ZNF678: variants seen among roughly 807,000 people sequenced by gnomAD.
The protein encoded by ZNF678 is zinc finger protein 678.
ZNF678 carries 5 observed loss-of-function variants against 3.0 expected under a neutral mutation model. The ratio of observed to expected loss-of-function variants is 1.69; its 90% confidence interval spans 0.88 to 3.56. The LOEUF (loss-of-function observed/expected upper bound fraction) is 3.56, where lower values mean the gene tolerates loss of function less well. Ranked by LOEUF, ZNF678 falls within the 30% of genes most tolerant of loss-of-function variation. The probability of loss-of-function intolerance (pLI) is 0.00; values close to 1 mark genes in which losing one functional copy is unlikely to be tolerated. For synonymous variants in ZNF678, 218 were observed against 199.6 expected, an observed-to-expected ratio of 1.09 and a Z score of -0.78; for missense variants, 593 against 605.0, an observed-to-expected ratio of 0.98 and a Z score of 0.21.
rs766956905 is a variant in ZNF678, at chr1:227,654,769, A to G, written c.519A>G (p.Lys173=). 2.5e-6 allele frequency: 4 copies of G among 1,613,392 alleles called. No individual in the cohort carries two copies. The South Asian group carries it at 4.4e-5, about 18-fold the overall frequency. The change falls in exon 4 of 4, where the codon AAA becomes AAG. Residue 173 remains lysine, a synonymous_variant. Transcript: ENST00000343776. ...NWWSQLTNHK[K]IHTGEKPYKC... The stretch of plus-strand genomic sequence containing the variant: ...GGTCACAACTAACTAACCATAAGAA[A>G]ATTCATACTGGAGAGAAACCCTACA...
downstream of ZNF678, among the ~76,000 whole-genome samples, chr1:227,667,006 A>G (rs1275762408): frequency 1.3e-5 from 2 of 150,314 alleles, no homozygotes; most frequent in East Asian, 3.9e-4. Context: ...CGGCCTCCCA[A>G]AGTGCTGGGA....
At chr1:227,676,591 A>G (rs1410060775) in intron 5 of ZNF678, among the ~76,000 whole-genome samples, 1 of 152,098 alleles carries the variant, frequency 6.6e-6, no homozygotes, top group Non-Finnish European at 1.5e-5. Context: ...TTGCATATGT[A>G]TACATGTGCC....
chr1:227,593,968 A>G (rs1387037869), intron 1 of ZNF678, among the ~76,000 whole-genome samples: 1 of 148,874 alleles, frequency 6.7e-6, no homozygotes, highest in Non-Finnish European at 1.5e-5. Flanking sequence ...CCACCCTTTG[A>G]TGAGAACGTG....
At chr1:227,586,686 A>G (rs889217602) in intron 1 of ZNF678, among the ~76,000 whole-genome samples, 26 of 152,234 alleles carry the variant, frequency 1.7e-4, no homozygotes, top group African/African-American at 5.8e-4. Flanking sequence ...TCTGCTTGCA[A>G]GCACCACTCC....
chr1:227,638,452 G>A lies in ZNF678; in HGVS notation c.-163-8092G>A, dbSNP rs977968065. Among the ~76,000 whole-genome samples the A allele has an allele frequency of 1.3e-5, 2 of 152,162 alleles. No homozygotes were observed. The highest frequency in any genetic ancestry group is 1.5e-5 in the Non-Finnish European group (1 of 68,030). ...AGGAGGTGAGAAACGATAGGCTTTA[G>A]GCCTACAAGAGCTGCTTGGGGGATG... On this transcript the variant is annotated intron_variant, in intron 1 of 3. Transcript: ENST00000343776. The surrounding 1 kb of genome is among the most constrained non-coding windows in gnomAD (Gnocchi z 4.2).
At chr1:227,624,923 G>A (rs1351493998) in intron 1 of ZNF678, among the ~76,000 whole-genome samples, 3 of 152,188 alleles carry the variant, frequency 2.0e-5, no homozygotes, top group Non-Finnish European at 2.9e-5. Flanking sequence ...AGCTCGAGCC[G>A]CAACAAACGC....
Position 227,654,389 on chromosome 1 carries a change from T to G in ZNF678, c.139T>G (p.Leu47Val), listed in dbSNP as rs1411043898. 3.7e-6 allele frequency: 6 copies of G among 1,603,880 alleles called. No homozygotes were observed. Among genetic ancestry groups the G allele is most frequent in the African/African-American group, 1.3e-5 (1 of 74,252 alleles). ...TTTGCCAGAGCAGGATATGAAAGAT[T>G]TATGCCAAAAAGTGACACTGACAAG... is the stretch of plus-strand genomic sequence containing the variant. ...DLLPEQDMKD[L>V]CQKVTLTRHR... Residue 47 changes from leucine to valine, a missense_variant, in exon 4 of 4, where the codon TTA (leucine) becomes GTA (valine). Coordinates refer to ENST00000343776, the MANE Select transcript of ZNF678 (RefSeq NM_001367909.1).
chr1:227,588,572 T>C (rs1038834299), intron 1 of ZNF678, among the ~76,000 whole-genome samples: 1 of 148,292 alleles, frequency 6.7e-6, no homozygotes, highest in Non-Finnish European at 1.5e-5. Flanking sequence ...TGATGTCAAC[T>C]CAATGCAACC....
At chr1:227,653,007 G>A (rs956790914) in intron 3 of ZNF678, among the ~76,000 whole-genome samples, 1 of 152,032 alleles carries the variant, frequency 6.6e-6, no homozygotes, top group Admixed American at 6.6e-5. Flanking sequence ...TCTCTTAATT[G>A]TGAAGGACAG....
chr1:227,635,908 T>C (rs964416695), intron 1 of ZNF678, among the ~76,000 whole-genome samples: 2 of 152,026 alleles, frequency 1.3e-5, no homozygotes, highest in Non-Finnish European at 2.9e-5. Flanking sequence ...TCTATTTGGT[T>C]ATAGAAAAGG....
chr1:227,665,574 A>G (rs1659491549), downstream of ZNF678, among the ~76,000 whole-genome samples: 1 of 152,232 alleles, frequency 6.6e-6, no homozygotes, highest in Admixed American at 6.5e-5. Flanking sequence ...AGAGCTTTTT[A>G]AGAACTATTT....
Position 227,619,447 on chromosome 1 carries a change from C to G in ZNF678, c.-163-27097C>G, listed in dbSNP as rs116645335. ...TGGGAAATGTTGTGGGACGGAGCCT[C>G]GAACTTATGGAGTCTGTGCTGACTC... is the stretch of plus-strand genomic sequence containing the variant. On this transcript the variant is annotated intron_variant, in intron 1 of 3. Coordinates refer to ENST00000343776, the MANE Select transcript of ZNF678 (RefSeq NM_001367909.1). Among the ~76,000 whole-genome samples, 602 of 152,192 alleles carry G rather than the reference C, an allele frequency of 4.0e-3. 6 individuals are homozygous for G. Among genetic ancestry groups the G allele is most frequent in the African/African-American group, 0.014 (580 of 41,526 alleles).
intron 5 of ZNF678, among the ~76,000 whole-genome samples, chr1:227,673,801 T>A (rs942812295): frequency 2.4e-4 from 37 of 152,160 alleles, no homozygotes; most frequent in African/African-American, 8.2e-4. Context: ...GCTCCTCAAA[T>A]ATTCCAGTTT....
chr1:227,628,228 T>C (rs1658464809), intron 1 of ZNF678, among the ~76,000 whole-genome samples: 1 of 152,212 alleles, frequency 6.6e-6, no homozygotes. Flanking sequence ...GTTTCCTTAC[T>C]CAGGTATGCC....
chr1:227,571,736 G>T lies in ZNF678; in HGVS notation c.-164+8012G>T, dbSNP rs1656847787. On this transcript the variant is annotated intron_variant, in intron 1 of 3. Transcript: ENST00000343776. ...TGTGACCAAGGAAATTTCTGATATT[G>T]TCCTATCAGGCTAAAGAAACAAAAA... Among the ~76,000 whole-genome samples, 3 of 152,256 alleles carry T rather than the reference G, an allele frequency of 2.0e-5. No individual in the cohort carries two copies. In the South Asian group the frequency reaches 6.2e-4, roughly 32 times the overall value.
chr1:227,607,380 T>C (rs1204154536), intron 1 of ZNF678, among the ~76,000 whole-genome samples: 1 of 152,162 alleles, frequency 6.6e-6, no homozygotes, highest in Non-Finnish European at 1.5e-5. Context: ...CTCAGACATG[T>C]CATTTTGCAT....
intron 1 of ZNF678, among the ~76,000 whole-genome samples, chr1:227,630,955 T>C (rs1438896015): frequency 6.6e-6 from 1 of 151,686 alleles, no homozygotes; most frequent in African/African-American, 2.4e-5. Context: ...GAGGTCTAGC[T>C]GTAAGATGGT....
At chr1:227,585,662 A>C (rs1319042438) in intron 1 of ZNF678, among the ~76,000 whole-genome samples, 1 of 152,078 alleles carries the variant, frequency 6.6e-6, no homozygotes, top group Non-Finnish European at 1.5e-5. Flanking sequence ...AGTCCTAGCT[A>C]CTCAGGAGGC....
intron 1 of ZNF678, among the ~76,000 whole-genome samples, chr1:227,612,123 A>T (rs1327466052): frequency 6.6e-6 from 1 of 152,158 alleles, no homozygotes; most frequent in Non-Finnish European, 1.5e-5. Flanking sequence ...TTAGTGATGG[A>T]CATGCAGAGG....
Sources: gnomAD v4.1 joint callset for allele counts (sites outside exome capture counted in the v4.1 genomes callset) on GRCh38, gnomAD v4.1.1 for gene constraint, Gnocchi (gnomAD v3.1) non-coding constraint, MANE v1.5 for transcripts, NCBI Gene and HGNC (gene_info 2026-07-23, HGNC 2026-07-21) for gene names.